The following CHSY3 variants were observed in gnomAD, a reference collection of about 807,000 sequenced individuals.
CHSY3 encodes the protein N-acetylgalactosaminyl-proteoglycan 3-beta-glucuronosyltransferase 3.
CHSY3 carries 35 observed loss-of-function variants against 67.2 expected under a neutral mutation model. The ratio of observed to expected loss-of-function variants is 0.52; its 90% CI spans 0.40 to 0.69. The LOEUF (loss-of-function observed/expected upper bound fraction) is 0.69, where lower values mean the gene tolerates loss of function less well. Among genes scored for constraint, CHSY3 ranks in the 30% least tolerant of loss-of-function variants. The pLI is 0.00. For missense variants in CHSY3, 1,069 were observed against 1,138.5 expected (o/e 0.94, Z 0.88); for synonymous variants, 474 against 434.7 (o/e 1.09, Z -1.12).
intron 2 of CHSY3, among the ~76,000 whole-genome samples, chr5:129,983,787 C>T (rs892555107): frequency 3.9e-5 from 6 of 151,990 alleles, no homozygotes; most frequent in African/African-American, 1.4e-4. Flanking sequence ...TTTAATCCAG[C>T]TTCCAGGAAA....
chr5:130,054,462 A>T (rs1765462986), intron 2 of CHSY3, among the ~76,000 whole-genome samples: 1 of 152,134 alleles, frequency 6.6e-6, no homozygotes, highest in Non-Finnish European at 1.5e-5. Context: ...CTCAAGAAAA[A>T]GTCTAGTGAA....
At chr5:129,945,030 ATTTTC>A (rs1257983598) in intron 2 of CHSY3, among the ~76,000 whole-genome samples, 3 of 152,150 alleles carry the variant, frequency 2.0e-5, no homozygotes, top group African/African-American at 7.2e-5. Context: ...GACATCCATT[ATTTTC>A]TTTTCATTTC....
At chr5:130,036,560 A>C (rs1450329629) in intron 2 of CHSY3, among the ~76,000 whole-genome samples, 1 of 152,148 alleles carries the variant, frequency 6.6e-6, no homozygotes, top group African/African-American at 2.4e-5. Context: ...GGAAAAGTGG[A>C]AAAACAATAG....
chr5:130,160,904 TTTTTA>T, intron 2 of CHSY3, among the ~76,000 whole-genome samples: 2 of 141,114 alleles, frequency 1.4e-5, no homozygotes, highest in African/African-American at 5.8e-5. Flanking sequence ...TATTTTTTTT[TTTTTA>T]TTTTTTTTTT....
chr5:130,181,676 C>T lies in CHSY3; in HGVS notation c.1087-2553C>T, dbSNP rs145699518. On this transcript the variant is annotated intron_variant, in intron 2 of 2. Coordinates refer to ENST00000305031, the MANE Select transcript of CHSY3 (RefSeq NM_175856.5). ...ACCACCACCTGGATAAATAAAAGAA[C>T]ATTACCAGCACTCCAGAAGCTTCCC... Among the ~76,000 whole-genome samples the T allele has an allele frequency of 6.1e-3, 921 of 152,220 alleles. 10 individuals are homozygous for T. Among genetic ancestry groups the T allele is most frequent in the African/African-American group, 0.021 (868 of 41,558 alleles).
intron 2 of CHSY3, chr5:130,001,680 G>C (rs1763731333): frequency 1.4e-6 from 1 of 717,726 alleles, no homozygotes; most frequent in Non-Finnish European, 1.7e-6. Flanking sequence ...CCTGCGTCTT[G>C]ACTATTCACA....
chr5:130,165,457 C>T (rs1769716946), intron 2 of CHSY3, among the ~76,000 whole-genome samples: 1 of 152,000 alleles, frequency 6.6e-6, no homozygotes, highest in Admixed American at 6.6e-5. Flanking sequence ...ATCTTTGTTG[C>T]TTTTGATATA....
intron 2 of CHSY3, among the ~76,000 whole-genome samples, chr5:130,133,771 TAAAA>T (rs758023976): frequency 8.6e-5 from 5 of 58,114 alleles, no homozygotes; most frequent in Non-Finnish European, 9.3e-5. Context: ...GACTCCGTCT[TAAAA>T]AAAAAAAAAA....
At chr5:130,053,413 C>T (rs1257745474) in intron 2 of CHSY3, among the ~76,000 whole-genome samples, 1 of 151,968 alleles carries the variant, frequency 6.6e-6, no homozygotes, top group Non-Finnish European at 1.5e-5. Flanking sequence ...GTGGGAAGCC[C>T]AGGTAGGCAG....
At chr5:129,904,235 G>A (rs1760134580), upstream of CHSY3, among the ~76,000 whole-genome samples, 3 of 151,950 alleles carry the variant, frequency 2.0e-5, no homozygotes, top group Admixed American at 2.0e-4. Flanking sequence ...GGCCCGACAG[G>A]GATCGTTTCC....
At chr5:130,116,555 A>C (rs1767809284) in intron 2 of CHSY3, among the ~76,000 whole-genome samples, 1 of 151,708 alleles carries the variant, frequency 6.6e-6, no homozygotes, top group Non-Finnish European at 1.5e-5. Flanking sequence ...TTTATTCCTG[A>C]TGTAATAGTC....
chr5:130,162,677 G>A (rs1392389397), intron 2 of CHSY3, among the ~76,000 whole-genome samples: 1 of 152,136 alleles, frequency 6.6e-6, no homozygotes, highest in Non-Finnish European at 1.5e-5. Flanking sequence ...TAGGACTACA[G>A]GTGCCTGCCA....
At chr5:129,952,730 G>A (rs1762058087) in intron 2 of CHSY3, among the ~76,000 whole-genome samples, 1 of 152,128 alleles carries the variant, frequency 6.6e-6, no homozygotes, top group Non-Finnish European at 1.5e-5. Flanking sequence ...GGCATGCTGT[G>A]GTAGTTGCCT....
chr5:129,905,906 T>C (rs1760274481), intron 1 of CHSY3: 1 of 641,122 alleles, frequency 1.6e-6, no homozygotes. Context: ...TGTCCCTTAG[T>C]CTTTACCTCG....
chr5:130,154,764 G>A (rs920930003), intron 2 of CHSY3, among the ~76,000 whole-genome samples: 2 of 152,128 alleles, frequency 1.3e-5, no homozygotes, highest in East Asian at 1.9e-4. Context: ...TATTGTAAGA[G>A]GAGAAATTAA....
At chr5:129,939,929 AG>A (rs1448967623) in intron 2 of CHSY3, among the ~76,000 whole-genome samples, 1 of 152,202 alleles carries the variant, frequency 6.6e-6, no homozygotes, top group Non-Finnish European at 1.5e-5. Context: ...CCCATTCACT[AG>A]GGAACATTGT....
intron 2 of CHSY3, among the ~76,000 whole-genome samples, chr5:129,948,321 A>T (rs1285453005): frequency 6.6e-6 from 1 of 152,028 alleles, no homozygotes. Context: ...TACGGTCTTT[A>T]TCCCTCACCC....
At chr5:130,002,891 C>G (rs1345434121) in intron 2 of CHSY3, among the ~76,000 whole-genome samples, 1 of 152,106 alleles carries the variant, frequency 6.6e-6, no homozygotes, top group Non-Finnish European at 1.5e-5. Context: ...CACTTCTAAC[C>G]CAACTGTAAT....
intron 2 of CHSY3, among the ~76,000 whole-genome samples, chr5:129,951,331 T>G (rs908841558): frequency 6.6e-6 from 1 of 152,190 alleles, no homozygotes; most frequent in East Asian, 1.9e-4. Context: ...GACGTTGGTC[T>G]TGGTGATTAT....
Sources: allele counts gnomAD v4.1 joint callset (sites outside exome capture counted in the v4.1 genomes callset), GRCh38; gene constraint gnomAD v4.1.1; transcripts MANE v1.5; gene names NCBI Gene and HGNC (gene_info 2026-07-23, HGNC 2026-07-21).